Variants in PCDHGA3 observed in about 807,000 individuals in gnomAD.
PCDHGA3 encodes protocadherin gamma-A3.
In PCDHGA3, 40 loss-of-function variants were observed where a neutral mutation model predicts 58.5. That is an observed-to-expected ratio of 0.68 (90% confidence interval 0.53 to 0.89). The LOEUF is 0.89. PCDHGA3 is among the 40% of genes least tolerant of loss of function. PCDHGA3 has a pLI of 0.00. For synonymous variants in PCDHGA3, 530 were observed against 525.7 expected (o/e 1.01, Z -0.11); for missense variants, 1,223 against 1,195.9 (o/e 1.02, Z -0.33).
At position 141,376,090 on chromosome 5, in the gene PCDHGA3, C is replaced by G. The variant is rs372887480; in HGVS notation, c.2424+29633C>G. ...CCGTGGCCGTGGCCGACAGGATCCC[C>G]GACATCCTGGCCGACCTGGGCAGCC... On this transcript the variant is annotated intron_variant, in intron 1 of 3. Coordinates refer to ENST00000253812, the MANE Select transcript of PCDHGA3 (RefSeq NM_018916.4). 107 of 1,613,674 alleles carry G rather than the reference C, an allele frequency of 6.6e-5. No homozygotes were observed. In the African/African-American group the frequency reaches 1.2e-3, roughly 18 times the overall value.
Position 141,476,752 on chromosome 5 carries a change from A to T in PCDHGA3, c.2425-18055A>T, listed in dbSNP as rs771355583. On this transcript the variant is annotated intron_variant, in intron 1 of 3. Coordinates refer to ENST00000253812, the MANE Select transcript of PCDHGA3 (RefSeq NM_018916.4). This position sits in a 1 kb window ranked among gnomAD's most constrained non-coding sequence, Gnocchi z 7.6. ...GAGAACGGGAGCCTAGTCTCCAGTTAGTGCTGACGGCGTTGGACGGAGGGA... is the reference window on the plus strand; with the variant it reads ...GAGAACGGGAGCCTAGTCTCCAGTTTGTGCTGACGGCGTTGGACGGAGGGA... 1.2e-6 allele frequency: 2 copies of T among 1,613,926 alleles called. No individual in the cohort carries two copies. Among genetic ancestry groups the T allele is most frequent in the South Asian group, 2.2e-5 (2 of 91,080 alleles).
At chr5:141,387,700 G>A (rs1303500403) in intron 1 of PCDHGA3, 1 of 933,942 alleles carries the variant, frequency 1.1e-6, no homozygotes, top group Non-Finnish European at 1.6e-6. Context: ...CGCTTTCCAG[G>A]GCAGCCCCAG....
intron 1 of PCDHGA3, chr5:141,414,696 A>T: frequency 6.2e-7 from 1 of 1,613,982 alleles, no homozygotes; most frequent in Non-Finnish European, 8.5e-7. Flanking sequence ...CTCTGTCCTC[A>T]TACATATCCA....
rs765756193 is a variant in PCDHGA3, at chr5:141,511,105, C to T, written c.2731C>T (p.Arg911Trp). The T allele has an allele frequency of 2.8e-5, 46 of 1,614,196 alleles. No individual in the cohort carries two copies. In the East Asian group the frequency reaches 3.1e-4, roughly 11 times the overall value. Residue 911 changes from arginine to tryptophan, a missense_variant, in exon 4 of 4, where the codon CGG becomes TGG. Transcript: ENST00000253812. ...CACACTGACCAACGCAGCTGGCAAG[C>T]GGGATGGCAAGGCCCCAGCAGGTGG... ...NATLTNAAGK[R>W]DGKAPAGGNG...
At chr5:141,417,179 A>C (rs1015183950) in intron 1 of PCDHGA3, 1 of 152,194 alleles carries the variant, frequency 6.6e-6, no homozygotes, top group African/African-American at 2.4e-5. Context: ...GAAATAAGGA[A>C]TTATTACTTT....
In PCDHGA3 at chr5:141,344,202, C is replaced by CG; in HGVS notation, c.172dup (p.Glu58GlyfsTer14). ...CGCTAACGACCTGGGGCTAGAGCCC[C>CG]GGGAGCTGGCGGAGCGCGGAGTCCG... On this transcript the variant is annotated frameshift_variant, in exon 1 of 4. Coordinates refer to ENST00000253812, the MANE Select transcript of PCDHGA3 (RefSeq NM_018916.4). LOFTEE classifies it high-confidence loss of function. The CG allele has an allele frequency of 3.1e-6, 5 of 1,614,012 alleles. No homozygotes were observed. The highest frequency in any genetic ancestry group is 4.2e-6 in the Non-Finnish European group (5 of 1,179,904).
At position 141,404,906 on chromosome 5, in the gene PCDHGA3, C is replaced by A. The variant is rs776779922; in HGVS notation, c.2424+58449C>A. 1 of 1,613,864 alleles carries A rather than the reference C, an allele frequency of 6.2e-7. No homozygotes were observed. The highest frequency in any genetic ancestry group is 8.5e-7 in the Non-Finnish European group (1 of 1,179,858). ...GGTGGCTGTACAGGACCATGGCCAGCCCCCTCTCTCGGCCACTGTCACGCT... is the reference window on the plus strand; with the variant it reads ...GGTGGCTGTACAGGACCATGGCCAGACCCCTCTCTCGGCCACTGTCACGCT... On this transcript the variant is annotated intron_variant, in intron 1 of 3. Transcript: ENST00000253812.
chr5:141,426,704 A>C, intron 1 of PCDHGA3: 1 of 440,322 alleles, frequency 2.3e-6, no homozygotes, highest in South Asian at 1.6e-5. Context: ...TTGTTTTACA[A>C]ATCAATGAAC....
intron 1 of PCDHGA3, chr5:141,352,587 T>C: frequency 6.2e-7 from 1 of 1,613,654 alleles, no homozygotes; most frequent in Non-Finnish European, 8.5e-7. Flanking sequence ...CCTCAGGATC[T>C]GCTGTGTGAT....
chr5:141,403,553 G>T, intron 1 of PCDHGA3: 6 of 1,613,980 alleles, frequency 3.7e-6, no homozygotes, highest in Non-Finnish European at 5.1e-6. Flanking sequence ...GCGCGCCCTG[G>T]ACAGGGAGGA....
chr5:141,415,134 C>T (rs760482028), intron 1 of PCDHGA3: 10 of 1,613,552 alleles, frequency 6.2e-6, no homozygotes, highest in South Asian at 3.3e-5. Context: ...TCCAGGACCA[C>T]GGCCAGCCCC....
At chr5:141,474,156 A>T (rs1387216017) in intron 1 of PCDHGA3, among the ~76,000 whole-genome samples, 1 of 152,244 alleles carries the variant, frequency 6.6e-6, no homozygotes, top group Non-Finnish European at 1.5e-5. Context: ...CAAGAAAATG[A>T]CAGGCCTTAT....
At chr5:141,438,583 CATACATACATATATATATATATATATAT>C (rs1227221577) in intron 1 of PCDHGA3, among the ~76,000 whole-genome samples, 1 of 57,610 alleles carries the variant, frequency 1.7e-5, no homozygotes, top group African/African-American at 9.0e-5. Flanking sequence ...TACATACATA[CATACATACATATATATATATATATATAT>C]ATATATATAT....
At position 141,345,134 on chromosome 5, in the gene PCDHGA3, T is replaced by A. The variant is rs1371380198; in HGVS notation, c.1101T>A (p.Ala367=). 6.2e-7 allele frequency: 1 copy of A among 1,613,964 alleles called. No homozygotes were observed. ...PEEGTVGREI[A]LIDVHDRDSG... ...AGGGCACCGTTGGAAGAGAAATTGC[T>A]CTTATCGACGTGCATGACCGAGATT... Residue 367 remains alanine (A), a synonymous_variant, in exon 1 of 4, where the codon GCT becomes GCA. Coordinates refer to ENST00000253812, the MANE Select transcript of PCDHGA3 (RefSeq NM_018916.4).
At chr5:141,470,173 A>G (rs527296791) in intron 1 of PCDHGA3, among the ~76,000 whole-genome samples, 1 of 152,342 alleles carries the variant, frequency 6.6e-6, no homozygotes, top group South Asian at 2.1e-4. Context: ...AAGTATGCAA[A>G]ATATTCAAGT....
chr5:141,355,132 G>C (rs1258521483), intron 1 of PCDHGA3: 2 of 1,519,092 alleles, frequency 1.3e-6, no homozygotes, highest in African/African-American at 2.8e-5. Flanking sequence ...GGACCCAGAA[G>C]ATCCTGGGGC....
intron 1 of PCDHGA3, chr5:141,355,180 C>A (rs1383852861): frequency 1.3e-6 from 2 of 1,582,206 alleles, no homozygotes; most frequent in Middle Eastern, 4.6e-4. Context: ...GAAGCACAGG[C>A]GACTCCGCGG....
intron 1 of PCDHGA3, chr5:141,388,173 G>A (rs2091270272): frequency 1.3e-6 from 2 of 1,502,222 alleles, no homozygotes; most frequent in South Asian, 2.3e-5. Flanking sequence ...GGAGATATGC[G>A]GGAAGAAGCC....
intron 1 of PCDHGA3, chr5:141,413,874 T>C: frequency 6.2e-7 from 1 of 1,613,424 alleles, no homozygotes; most frequent in Non-Finnish European, 8.5e-7. Context: ...TCCTTGTCAG[T>C]GTGACTGTCT....
Sources: gnomAD v4.1 joint callset for allele counts (sites outside exome capture counted in the v4.1 genomes callset) on GRCh38, gnomAD v4.1.1 for gene constraint, Gnocchi (gnomAD v3.1) non-coding constraint, MANE v1.5 for transcripts, NCBI Gene and HGNC (gene_info 2026-07-23, HGNC 2026-07-21) for gene names.